HLCS: variants seen among roughly 807,000 people sequenced by gnomAD.
HLCS encodes the protein biotin--protein ligase.
In HLCS, 53 loss-of-function variants were observed where a neutral mutation model predicts 75.0. The ratio of observed to expected loss-of-function variants is 0.71; its 90% CI spans 0.57 to 0.89. HLCS has a LOEUF of 0.89. Ranked by LOEUF, HLCS falls within the 40% of genes least tolerant of loss-of-function variation. The pLI, the probability that HLCS is intolerant of heterozygous loss-of-function variation, is 0.00. For synonymous variants in HLCS, 431 were observed against 428.6 expected, an observed-to-expected ratio of 1.01 and a Z score of -0.07; for missense variants, 966 against 1,074.0, an observed-to-expected ratio of 0.90 and a Z score of 1.41.
chr21:36,748,986 T>C lies in HLCS; in HGVS notation c.*5260A>G, dbSNP rs749779346. On this transcript the variant is annotated 3_prime_UTR_variant, in exon 11 of 11. Coordinates refer to ENST00000674895, the MANE Select transcript of HLCS (RefSeq NM_001352514.2). ...AGTGCTAATAAAGTTAAATTGCACG[T>C]GCAATACGGAACACTGTCAATGGAC... The C allele has an allele frequency of 5.9e-5, 9 of 152,642 alleles. No homozygotes were observed. The highest frequency in any genetic ancestry group is 7.3e-5 in the Non-Finnish European group (5 of 68,056). 9.5% of individuals were successfully genotyped at this position (152,642 alleles called of 1,614,324 possible). A position where few individuals can be genotyped will look rare whatever the true frequency, so the allele number is the denominator to read the frequency against.
intron 3 of HLCS, among the ~76,000 whole-genome samples, chr21:36,937,970 T>A (rs946271756): frequency 1.3e-5 from 2 of 152,156 alleles, no homozygotes; most frequent in Non-Finnish European, 2.9e-5. Flanking sequence ...TGATTCTGGA[T>A]ATTAAGGGAT....
chr21:36,831,144 T>C (rs1300429333), intron 6 of HLCS, among the ~76,000 whole-genome samples: 1 of 152,230 alleles, frequency 6.6e-6, no homozygotes, highest in Non-Finnish European at 1.5e-5. Context: ...TCCCATGGCC[T>C]TATTCAAGTA....
At chr21:36,969,432 T>A (rs2068724823), upstream of HLCS, among the ~76,000 whole-genome samples, 1 of 152,076 alleles carries the variant, frequency 6.6e-6, no homozygotes, top group Non-Finnish European at 1.5e-5. Context: ...AGCGTCTGCA[T>A]TTTGACAAAA....
intron 5 of HLCS, among the ~76,000 whole-genome samples, chr21:36,898,449 A>AAAAAAG (rs2065103638): frequency 6.7e-6 from 1 of 149,842 alleles, no homozygotes; most frequent in African/African-American, 2.4e-5. Context: ...TCCATCTCAA[A>AAAAAAG]AAAAAAAAAA....
chr21:36,834,428 G>A (rs1354854610), intron 6 of HLCS, among the ~76,000 whole-genome samples: 1 of 152,328 alleles, frequency 6.6e-6, no homozygotes, highest in East Asian at 1.9e-4. Flanking sequence ...GTAGCCAGGT[G>A]GGCGAGTGGC....
In HLCS at chr21:36,930,314, G is replaced by T; in HGVS notation, c.1557C>A (p.Gly519=). ...EVLREILTTL[G]LSCDMKQVPA... is the part of the protein sequence containing the mutation. ...GAACTTGTTTCATGTCACAGCTGAG[G>T]CCAAGGGTTGTCAGAATCTCTCTAA... is the stretch of plus-strand genomic sequence containing the variant. Residue 519 remains glycine (G), a synonymous_variant, in exon 5 of 11, where the codon GGC becomes GGA. Coordinates refer to ENST00000674895, the MANE Select transcript of HLCS (RefSeq NM_001352514.2). 6.2e-7 allele frequency: 1 copy of T among 1,614,112 alleles called. No homozygotes were observed. Among genetic ancestry groups the T allele is most frequent in the Non-Finnish European group, 8.5e-7 (1 of 1,180,012 alleles).
chr21:36,949,709 C>T (rs551415125), intron 2 of HLCS, among the ~76,000 whole-genome samples: 53 of 152,122 alleles, frequency 3.5e-4, no homozygotes, highest in Non-Finnish European at 6.2e-4. Context: ...ATGACATGTC[C>T]CTAAATGGGC....
At chr21:36,764,263 GGTGCA>G (rs1298356075) in intron 8 of HLCS, among the ~76,000 whole-genome samples, 106 of 152,330 alleles carry the variant, frequency 7.0e-4, no homozygotes, top group African/African-American at 2.4e-3. Flanking sequence ...TGTGTGTGAT[GGTGCA>G]CACCTGTAGT....
At chr21:36,936,330 A>C in intron 4 of HLCS, 119 bp downstream of exon 4, 2 of 928,386 alleles carry the variant, frequency 2.2e-6, no homozygotes, top group Admixed American at 1.7e-5. Flanking sequence ...AATAGTCAAA[A>C]ACAGCCCGCA....
chr21:36,963,309 C>T (rs1182490826), intron 1 of HLCS, among the ~76,000 whole-genome samples: 1 of 152,066 alleles, frequency 6.6e-6, no homozygotes, highest in African/African-American at 2.4e-5. Context: ...AGGCTTTCAC[C>T]ATCACCCAGA....
chr21:36,806,816 G>C (rs1345698614), intron 6 of HLCS, among the ~76,000 whole-genome samples: 1 of 152,188 alleles, frequency 6.6e-6, no homozygotes, highest in Non-Finnish European at 1.5e-5. Flanking sequence ...CGTGTGCCTG[G>C]AGTCTGGGTT....
intron 6 of HLCS, among the ~76,000 whole-genome samples, chr21:36,786,921 T>C (rs1262153490): frequency 1.3e-5 from 2 of 151,994 alleles, no homozygotes; most frequent in African/African-American, 4.8e-5. Context: ...ACAACAGAGG[T>C]GTCAGAGTCC....
rs1568954722 is a variant in HLCS at position 36,753,871 on chromosome 21, GGTTT to G, written c.*371_*374del. 3 of 338,178 alleles carry G rather than the reference GGTTT, an allele frequency of 8.9e-6. No individual in the cohort carries two copies. The highest frequency in any genetic ancestry group is 2.1e-5 in the African/African-American group (1 of 46,574). 20.9% of individuals were successfully genotyped at this position (338,178 alleles called of 1,614,324 possible). ...TGGCCTGGGCGCAAGAGCATATTTT[GGTTT>G]GTTTTTTCATAGACTAGGGGTAAAG... On this transcript the variant is annotated 3_prime_UTR_variant, in exon 11 of 11. Coordinates refer to ENST00000674895, the MANE Select transcript of HLCS (RefSeq NM_001352514.2). The surrounding 1 kb of genome is among the most constrained non-coding windows in gnomAD (Gnocchi z 4.3).
At chr21:36,839,877 C>T (rs1450884512) in intron 6 of HLCS, among the ~76,000 whole-genome samples, 5 of 152,182 alleles carry the variant, frequency 3.3e-5, no homozygotes, top group East Asian at 1.9e-4. Context: ...CAAATTCTAA[C>T]GTTAACATTT....
intron 6 of HLCS, among the ~76,000 whole-genome samples, chr21:36,853,669 T>TAA (rs939081402): frequency 1.2e-4 from 18 of 152,204 alleles, no homozygotes; most frequent in African/African-American, 4.3e-4. Flanking sequence ...CTTCAGATAT[T>TAA]AATAAAGTGA....
chr21:36,829,737 C>A (rs2062132450), intron 6 of HLCS, among the ~76,000 whole-genome samples: 4 of 152,184 alleles, frequency 2.6e-5, no homozygotes. Flanking sequence ...CCTGAGAGAT[C>A]TCCCCACTCT....
At chr21:36,808,383 T>C (rs1267550477) in intron 6 of HLCS, among the ~76,000 whole-genome samples, 1 of 152,226 alleles carries the variant, frequency 6.6e-6, no homozygotes, top group African/African-American at 2.4e-5. Context: ...CTGTTCCCCA[T>C]TTCCTGTCTT....
At chr21:36,788,681 T>C (rs1317852909) in intron 6 of HLCS, among the ~76,000 whole-genome samples, 1 of 152,196 alleles carries the variant, frequency 6.6e-6, no homozygotes, top group Non-Finnish European at 1.5e-5. Flanking sequence ...GATATTATTA[T>C]ATAAAATGAG....
At chr21:36,899,657 A>G (rs2065155026) in intron 5 of HLCS, among the ~76,000 whole-genome samples, 1 of 152,156 alleles carries the variant, frequency 6.6e-6, no homozygotes, top group Non-Finnish European at 1.5e-5. Flanking sequence ...TTGACCATAC[A>G]CTGGCAACCT....
Sources: gnomAD v4.1 joint callset for allele counts (sites outside exome capture counted in the v4.1 genomes callset) on GRCh38, gnomAD v4.1.1 for gene constraint, Gnocchi (gnomAD v3.1) non-coding constraint, MANE v1.5 for transcripts, NCBI Gene and HGNC (gene_info 2026-07-23, HGNC 2026-07-21) for gene names.